Variants in SLC14A2 observed in about 807,000 individuals in gnomAD.
The protein encoded by SLC14A2 is solute carrier family 14 member 2, also known as urea transporter 2.
A neutral mutation model predicts 104.6 loss-of-function variants in SLC14A2; 91 were observed. The observed-to-expected ratio is 0.87, with a 90% CI of 0.73 to 1.04. The LOEUF is 1.04. Among genes scored for constraint, SLC14A2 ranks in the 50% least tolerant of loss-of-function variants. SLC14A2 has a pLI of 0.00. For synonymous variants in SLC14A2, 476 were observed against 466.4 expected (o/e 1.02, Z -0.27); for missense variants, 1,189 against 1,156.0 (o/e 1.03, Z -0.41).
chr18:45,581,330 G>T (rs555572156), intron 2 of SLC14A2, among the ~76,000 whole-genome samples: 1 of 152,316 alleles, frequency 6.6e-6, no homozygotes, highest in African/African-American at 2.4e-5. Flanking sequence ...AAGGGACCCA[G>T]GGTCCTAGAG....
chr18:45,414,757 AATATATATATATATATATAT>A (rs71177674), intron 1 of SLC14A2, among the ~76,000 whole-genome samples: 1 of 76,124 alleles, frequency 1.3e-5, no homozygotes, highest in African/African-American at 7.7e-5. Flanking sequence ...AAAAAAAAAA[AATATATATATATATATATAT>A]ATATATATAT....
chr18:45,552,466 T>C (rs1277625626), intron 2 of SLC14A2, among the ~76,000 whole-genome samples: 2 of 145,270 alleles, frequency 1.4e-5, no homozygotes, highest in Non-Finnish European at 3.0e-5. Flanking sequence ...GCTGGGACAC[T>C]CATTCATTTC....
At chr18:45,230,624 G>A (rs1017854792) in intron 1 of SLC14A2, among the ~76,000 whole-genome samples, 3 of 152,196 alleles carry the variant, frequency 2.0e-5, no homozygotes, top group Non-Finnish European at 4.4e-5. Flanking sequence ...TCCATGTAAT[G>A]CAACATATTA....
At chr18:45,235,968 C>CATATATGTGTGTATATATGTGTATATAT (rs1405115841) in intron 1 of SLC14A2, among the ~76,000 whole-genome samples, 17 of 41,028 alleles carry the variant, frequency 4.1e-4, no homozygotes, top group South Asian at 6.3e-4. Flanking sequence ...TGTATATATA[C>CATATATGTGTGTATATATGTGTATATAT]ATATATGTGT....
At chr18:45,515,126 C>T (rs141101399) in intron 2 of SLC14A2, among the ~76,000 whole-genome samples, 19 of 152,304 alleles carry the variant, frequency 1.2e-4, no homozygotes, top group Non-Finnish European at 2.6e-4. Context: ...ATGTACCTGG[C>T]ATGACAACAG....
chr18:45,654,146 C>T (rs995039760), intron 10 of SLC14A2, among the ~76,000 whole-genome samples: 218 of 98,280 alleles, frequency 2.2e-3, no homozygotes, highest in African/African-American at 6.9e-3. Context: ...CTGGGGGGGA[C>T]GTGGGTGAGC....
the SLC14A2 span, among the ~76,000 whole-genome samples, chr18:45,175,960 AC>A: frequency 6.6e-6 from 1 of 152,204 alleles, no homozygotes; most frequent in Non-Finnish European, 1.5e-5. Flanking sequence ...ATACCATACG[AC>A]AATTCTCTGG....
intron 1 of SLC14A2, among the ~76,000 whole-genome samples, chr18:45,306,295 G>A (rs182631080): frequency 2.6e-5 from 4 of 152,270 alleles, no homozygotes; most frequent in African/African-American, 9.6e-5. Flanking sequence ...GGCCATAAAG[G>A]TACCTCATAT....
At chr18:45,589,680 A>T (rs985763836) in intron 2 of SLC14A2, among the ~76,000 whole-genome samples, 4 of 152,216 alleles carry the variant, frequency 2.6e-5, no homozygotes, top group Non-Finnish European at 5.9e-5. Context: ...TCCAGCTGCG[A>T]GTGTCTGGTG....
the SLC14A2 span, among the ~76,000 whole-genome samples, chr18:45,182,796 G>A: frequency 6.6e-6 from 1 of 152,110 alleles, no homozygotes; most frequent in Non-Finnish European, 1.5e-5. Context: ...TAATACATGA[G>A]AAATATGCTA....
chr18:45,368,617 C>T (rs971788435), intron 1 of SLC14A2, among the ~76,000 whole-genome samples: 1 of 152,140 alleles, frequency 6.6e-6, no homozygotes, highest in African/African-American at 2.4e-5. Flanking sequence ...TGAAACTTCG[C>T]AAATGTCAAA....
At chr18:45,544,056 G>A (rs1194193912) in intron 2 of SLC14A2, among the ~76,000 whole-genome samples, 53 of 152,370 alleles carry the variant, frequency 3.5e-4, no homozygotes, top group Non-Finnish European at 4.4e-5. Context: ...TCCACTGGGA[G>A]AGGGTTCTAG....
At chr18:45,565,128 CTT>C (rs879652079) in intron 2 of SLC14A2, among the ~76,000 whole-genome samples, 13 of 136,858 alleles carry the variant, frequency 9.5e-5, no homozygotes, top group East Asian at 2.0e-4. Context: ...GCATGTGCTT[CTT>C]TTTTTTTTTT....
intron 2 of SLC14A2, among the ~76,000 whole-genome samples, chr18:45,565,686 C>T (rs941885736): frequency 2.6e-5 from 4 of 152,194 alleles, no homozygotes; most frequent in Admixed American, 2.6e-4. Flanking sequence ...ATGTTCCCAG[C>T]ACACGCATCG....
At chr18:45,216,037 A>G (rs1382934926) in intron 1 of SLC14A2, among the ~76,000 whole-genome samples, 1 of 152,188 alleles carries the variant, frequency 6.6e-6, no homozygotes, top group Admixed American at 6.5e-5. Flanking sequence ...TCAAACATGT[A>G]AAAAGGAGTG....
the SLC14A2 span, among the ~76,000 whole-genome samples, chr18:45,174,993 G>A: frequency 6.6e-6 from 1 of 152,164 alleles, no homozygotes; most frequent in African/African-American, 2.4e-5. Context: ...AGGCTGTGGG[G>A]AAACAGACCC....
intron 2 of SLC14A2, among the ~76,000 whole-genome samples, chr18:45,569,892 A>AC (rs1309190312): frequency 1.3e-5 from 2 of 152,004 alleles, no homozygotes; most frequent in Non-Finnish European, 2.9e-5. Flanking sequence ...TTTGCAGCCT[A>AC]CCCCCCTTCA....
rs115516340 is a variant in SLC14A2, at chr18:45,497,382, T to G, written c.-35+14060T>G. Among the ~76,000 whole-genome samples the G allele has an allele frequency of 1.1e-3, 165 of 152,304 alleles. 1 individual carries two copies. Among genetic ancestry groups the G allele is most frequent in the African/African-American group, 3.8e-3 (160 of 41,566 alleles). ...CAGGTTCAAAACAGAAAACGTTTCTTATCCTGTGTGGGGGTCATATTCAAC... is the reference window on the plus strand; with the variant it reads ...CAGGTTCAAAACAGAAAACGTTTCTGATCCTGTGTGGGGGTCATATTCAAC... On this transcript the variant is annotated intron_variant, in intron 2 of 20. Coordinates refer to the SLC14A2 transcript ENST00000586448.
the SLC14A2 span, among the ~76,000 whole-genome samples, chr18:45,207,602 G>T: frequency 6.6e-6 from 1 of 152,140 alleles, no homozygotes; most frequent in Non-Finnish European, 1.5e-5. Flanking sequence ...ACTTAACTGG[G>T]TTGCTAACAA....
Sources: gnomAD v4.1 joint callset for allele counts (sites outside exome capture counted in the v4.1 genomes callset) on GRCh38, gnomAD v4.1.1 for gene constraint, MANE v1.5 for transcripts, NCBI Gene and HGNC (gene_info 2026-07-23, HGNC 2026-07-21) for gene names.